HNRNPAB: variants seen among roughly 807,000 people sequenced by gnomAD.
HNRNPAB encodes the protein heterogeneous nuclear ribonucleoprotein A/B.
In HNRNPAB, 17 loss-of-function variants were observed where a neutral mutation model predicts 44.1. The observed-to-expected ratio is 0.39, with a 90% CI of 0.26 to 0.58. The LOEUF (loss-of-function observed/expected upper bound fraction) is 0.58, where lower values mean the gene tolerates loss of function less well. Ranked by LOEUF, HNRNPAB falls within the 20% of genes least tolerant of loss-of-function variation. The probability of loss-of-function intolerance (pLI) is 0.63; values close to 1 mark genes in which losing one functional copy is unlikely to be tolerated. For missense variants in HNRNPAB, 393 were observed against 432.7 expected, an observed-to-expected ratio of 0.91 and a Z score of 0.81; for synonymous variants, 183 against 167.6, an observed-to-expected ratio of 1.09 and a Z score of -0.71.
rs866477157 is a variant in HNRNPAB, at chr5:178,204,561, T to A, written c.-203T>A. The A allele has an allele frequency of 9.0e-6, 2 of 223,328 alleles. No homozygotes were observed. Among genetic ancestry groups the A allele is most frequent in the Non-Finnish European group, 1.7e-5 (2 of 115,018 alleles). 13.8% of individuals were successfully genotyped at this position (223,328 alleles called of 1,614,324 possible). A position where few individuals can be genotyped will look rare whatever the true frequency, so the allele number is the denominator to read the frequency against. ...CGGCGGCACCGCGCGGGACGGAGCTTGGCTGTTGGTCGGTGGGTTCCCGTG... is the reference window on the plus strand; with the variant it reads ...CGGCGGCACCGCGCGGGACGGAGCTAGGCTGTTGGTCGGTGGGTTCCCGTG... On this transcript the variant is annotated 5_prime_UTR_variant, in exon 1 of 8. Transcript: ENST00000358344.
At chr5:178,210,335 G>T in intron 7 of HNRNPAB, 63 bp downstream of exon 7, 2 of 1,606,678 alleles carry the variant, frequency 1.2e-6, no homozygotes, top group Non-Finnish European at 8.5e-7. Flanking sequence ...GCAGGACAGT[G>T]TAGGAGCCAC....
Position 178,210,224 on chromosome 5 carries a change from G to T in HNRNPAB, c.880G>T (p.Asp294Tyr), listed in dbSNP as rs199566621. Residue 294 changes from aspartate (D) to tyrosine (Y), a missense_variant, in exon 7 of 8, where the codon GAC becomes TAC. This residue lies in a region of HNRNPAB where 210 missense variants were observed against 196.9 expected (regional missense o/e 1.07). Transcript: ENST00000358344. Reference sequence around the variant, plus strand: ...CTACGGGCCTGGCTATGGCGGCTACGACTACTCGCCCTATGGCTATTACGG... The same window carrying T: ...CTACGGGCCTGGCTATGGCGGCTACTACTACTCGCCCTATGGCTATTACGG... ...QGYGPGYGGY[D>Y]YSPYGYYGYG... 1 of 1,613,268 alleles carries T rather than the reference G, an allele frequency of 6.2e-7. No individual in the cohort carries two copies. Among genetic ancestry groups the T allele is most frequent in the Non-Finnish European group, 8.5e-7 (1 of 1,179,250 alleles).
At chr5:178,206,361 G>A (rs1284723696) in intron 3 of HNRNPAB, among the ~76,000 whole-genome samples, 3 of 152,176 alleles carry the variant, frequency 2.0e-5, no homozygotes, top group Admixed American at 1.3e-4. Context: ...AAACCCTAAG[G>A]CTCAGAAATG....
intron 6 of HNRNPAB, 32 bp downstream of exon 6, chr5:178,209,479 T>C: frequency 6.4e-7 from 1 of 1,573,974 alleles, no homozygotes; most frequent in South Asian, 1.1e-5. Context: ...ATAGGTCCTG[T>C]TTCCCTGCCT....
At position 178,210,611 on chromosome 5, in the gene HNRNPAB, C is replaced by T. The variant is rs76396243; in HGVS notation, c.987C>T (p.Tyr329=). The T allele has an allele frequency of 3.7e-6, 6 of 1,612,502 alleles. No individual in the cohort carries two copies. The highest frequency in any genetic ancestry group is 5.1e-6 in the Non-Finnish European group (6 of 1,179,494). The stretch of plus-strand genomic sequence containing the variant: ...GACGTGGTGGCCATCAGAATAACTA[C>T]AAGCCATACTGAGGCGGCAGCAGGA... ...SQRRGGHQNN[Y]KPY Residue 329 remains tyrosine, a synonymous_variant, in exon 8 of 8, where the codon TAC becomes TAT. Coordinates refer to ENST00000358344, the MANE Select transcript of HNRNPAB (RefSeq NM_031266.3).
chr5:178,206,727 A>G lies in HNRNPAB; in HGVS notation c.379-5A>G, dbSNP rs1757079173. On this transcript the variant is annotated splice_polypyrimidine_tract_variant and splice_region_variant and intron_variant, in intron 3 of 7. Coordinates refer to ENST00000358344, the MANE Select transcript of HNRNPAB (RefSeq NM_031266.3). ...AGTCAGCCTGACCCCTTTCTGTTGG[A>G]ACAGGTCCTAGACCAGAAGGAGCAC... The G allele has an allele frequency of 1.2e-6, 2 of 1,613,268 alleles. No individual in the cohort carries two copies. The highest frequency in any genetic ancestry group is 3.6e-4 in the Middle Eastern group (2 of 5,502).
rs1757436300 is a variant in HNRNPAB at position 178,209,317 on chromosome 5, TCTTGA to T, written c.670-9_670-5del. ...TGTCCTACTGGCCTGACCACTGTCC[TCTTGA>T]CTTTTAGTGTGAGATCAAGGTGGCC... On this transcript the variant is annotated splice_polypyrimidine_tract_variant and splice_region_variant and intron_variant, in intron 5 of 7. Transcript: ENST00000358344. 2 of 1,611,992 alleles carry T rather than the reference TCTTGA, an allele frequency of 1.2e-6. No homozygotes were observed. Among genetic ancestry groups the T allele is most frequent in the South Asian group, 2.2e-5 (2 of 91,032 alleles).
At chr5:178,208,036 C>T (rs1757164977) in intron 5 of HNRNPAB, among the ~76,000 whole-genome samples, 1 of 152,174 alleles carries the variant, frequency 6.6e-6, no homozygotes, top group Non-Finnish European at 1.5e-5. Flanking sequence ...AAAGATCTCC[C>T]AGGGTCCTGG....
intron 7 of HNRNPAB, 88 bp from the exon 8 acceptor site, chr5:178,210,465 G>A: frequency 6.7e-7 from 1 of 1,500,402 alleles, no homozygotes; most frequent in Admixed American, 1.7e-5. Context: ...GTCACGGCTG[G>A]TGAGGGTCCT....
Position 178,206,002 on chromosome 5 carries a change from G to A in HNRNPAB, c.370G>A (p.Val124Met). ...TATCCTGTTCAAAGATGCAGCCAGT[G>A]TGGAGAAGGTAAGCTGGGTACTGGA... ...GFILFKDAAS[V>M]EKVLDQKEHR... The change falls in exon 3 of 8, where the codon GTG becomes ATG. Residue 124 changes from valine to methionine, a missense_variant. Coordinates refer to ENST00000358344, the MANE Select transcript of HNRNPAB (RefSeq NM_031266.3). 1 of 1,613,566 alleles carries A rather than the reference G, an allele frequency of 6.2e-7. No homozygotes were observed. Among genetic ancestry groups the A allele is most frequent in the Non-Finnish European group, 8.5e-7 (1 of 1,179,758 alleles).
Position 178,211,130 on chromosome 5 carries a change from C to CCAAG in HNRNPAB, c.*509_*512dup, listed in dbSNP as rs1758209988. On this transcript the variant is annotated 3_prime_UTR_variant, in exon 8 of 8. Coordinates refer to ENST00000358344, the MANE Select transcript of HNRNPAB (RefSeq NM_031266.3). ...GCCACAACCTGGATATTGAAGCTAT[C>CCAAG]CAAGCTTTTGAAATAAAATTTAAAA... 1 of 157,008 alleles carries CCAAG rather than the reference C, an allele frequency of 6.4e-6. No homozygotes were observed. The highest frequency in any genetic ancestry group is 1.4e-5 in the Non-Finnish European group (1 of 71,184). 9.7% of individuals were successfully genotyped at this position (157,008 alleles called of 1,614,324 possible). A position where few individuals can be genotyped will look rare whatever the true frequency, so the allele number is the denominator to read the frequency against.
Position 178,210,239 on chromosome 5 carries a change from G to T in HNRNPAB, c.895G>T (p.Gly299Cys). ...TGGCGGCTACGACTACTCGCCCTAT[G>T]GCTATTACGGCTACGGCCCCGGCTA... ...GYGGYDYSPY[G>C]YYGYGPGYDY... The change falls in exon 7 of 8, where the codon GGC becomes TGC. Residue 299 changes from glycine (G) to cysteine (C), a missense_variant. This residue lies in a region of HNRNPAB where 210 missense variants were observed against 196.9 expected (regional missense o/e 1.07). Coordinates refer to ENST00000358344, the MANE Select transcript of HNRNPAB (RefSeq NM_031266.3). 1 of 1,613,674 alleles carries T rather than the reference G, an allele frequency of 6.2e-7. No individual in the cohort carries two copies. The highest frequency in any genetic ancestry group is 8.5e-7 in the Non-Finnish European group (1 of 1,179,560).
chr5:178,206,354 C>T (rs1445453568), intron 3 of HNRNPAB, among the ~76,000 whole-genome samples: 5 of 152,120 alleles, frequency 3.3e-5, no homozygotes, highest in Non-Finnish European at 5.9e-5. Context: ...AAAACCAAAA[C>T]CCTAAGGCTC....
chr5:178,206,189 GGAGT>G (rs1757049129), intron 3 of HNRNPAB, among the ~76,000 whole-genome samples, 179 bp downstream of exon 3: 1 of 152,336 alleles, frequency 6.6e-6, no homozygotes, highest in South Asian at 2.1e-4. Context: ...GATTAAGCTG[GGAGT>G]GAGAGAATGT....
intron 7 of HNRNPAB, 26 bp downstream of exon 7, chr5:178,210,298 T>C: frequency 6.2e-7 from 1 of 1,613,860 alleles, no homozygotes; most frequent in Non-Finnish European, 8.5e-7. Context: ...GGAGGCCCCA[T>C]CCGCTCACCC....
In HNRNPAB at chr5:178,204,812, C is replaced by T. The variant is rs1025349789; in HGVS notation, c.-23-3C>T. The T allele has an allele frequency of 2.5e-6, 3 of 1,209,654 alleles. No homozygotes were observed. In the African/African-American group the frequency reaches 4.8e-5, roughly 19 times the overall value. 74.9% of individuals were successfully genotyped at this position (1,209,654 alleles called of 1,614,324 possible). A position where few individuals can be genotyped will look rare whatever the true frequency, so the allele number is the denominator to read the frequency against. Reference sequence around the variant, plus strand: ...CCTGACGCGCTGTCGCCGCTGGTTGCAGGAGCCGCCGCGCCTCGGCCTAGC... The same window carrying T: ...CCTGACGCGCTGTCGCCGCTGGTTGTAGGAGCCGCCGCGCCTCGGCCTAGC... On this transcript the variant is annotated splice_polypyrimidine_tract_variant and splice_region_variant and intron_variant, in intron 1 of 7. Transcript: ENST00000358344.
rs1758000852 is a variant in HNRNPAB at position 178,210,688 on chromosome 5, T to C, written c.*65T>C. 1 of 1,282,332 alleles carries C rather than the reference T, an allele frequency of 7.8e-7. No individual in the cohort carries two copies. Among genetic ancestry groups the C allele is most frequent in the Non-Finnish European group, 1.1e-6 (1 of 880,448 alleles). 79.4% of individuals were successfully genotyped at this position (1,282,332 alleles called of 1,614,324 possible). On this transcript the variant is annotated 3_prime_UTR_variant, in exon 8 of 8. Transcript: ENST00000358344. ...TGTTTGGATATGGAGTGAACACAATTATGTACCAAATTTAACTTGGCAAAC... is the reference window on the plus strand; with the variant it reads ...TGTTTGGATATGGAGTGAACACAATCATGTACCAAATTTAACTTGGCAAAC...
chr5:178,205,891 A>G lies in HNRNPAB; in HGVS notation c.259A>G (p.Lys87Glu). 6.2e-7 allele frequency: 1 copy of G among 1,614,166 alleles called. No individual in the cohort carries two copies. Residue 87 changes from lysine (K) to glutamate (E), a missense_variant, in exon 3 of 8, where the codon AAA becomes GAA. Lys to Glu is a moderately conservative substitution (Grantham distance 56, BLOSUM62 1). This residue lies in a region of HNRNPAB where 102 missense variants were observed against 162.3 expected (regional missense o/e 0.63). Coordinates refer to ENST00000358344, the MANE Select transcript of HNRNPAB (RefSeq NM_031266.3). The stretch of plus-strand genomic sequence containing the variant: ...CTGGGATACTAGCAAAAAAGATTTA[A>G]AAGACTATTTTACTAAATTTGGAGA... ...LSWDTSKKDL[K>E]DYFTKFGEVV... is the part of the protein sequence containing the mutation.
chr5:178,207,288 G>T, intron 5 of HNRNPAB, 63 bp downstream of exon 5: 1 of 1,588,628 alleles, frequency 6.3e-7, no homozygotes, highest in Non-Finnish European at 8.6e-7. Flanking sequence ...TTAGAGGGAT[G>T]GGTTAGGGGT....
Sources: gnomAD v4.1 joint callset for allele counts (sites outside exome capture counted in the v4.1 genomes callset) on GRCh38, gnomAD v4.1.1 for gene constraint, gnomAD v4.1.1 regional missense constraint, MANE v1.5 for transcripts, NCBI Gene and HGNC (gene_info 2026-07-23, HGNC 2026-07-21) for gene names.